The following HOOK1 variants were observed in gnomAD, a reference collection of about 807,000 sequenced individuals.
HOOK1 encodes the protein hook microtubule tethering protein 1.
In HOOK1, 60 loss-of-function variants were observed where a neutral mutation model predicts 112.8. The ratio of observed to expected loss-of-function variants is 0.53; its 90% confidence interval spans 0.43 to 0.66. The LOEUF (loss-of-function observed/expected upper bound fraction) is 0.66, where lower values mean the gene tolerates loss of function less well. Among genes scored for constraint, HOOK1 ranks in the 30% least tolerant of loss-of-function variants. HOOK1 has a pLI of 0.00. For synonymous variants in HOOK1, 294 were observed against 283.8 expected (o/e 1.04, Z -0.36); for missense variants, 770 against 856.0 (o/e 0.90, Z 1.25).
chr1:59,858,384 T>C (rs1475410873), intron 12 of HOOK1, 44 bp from the exon 13 acceptor site: 2 of 1,132,846 alleles, frequency 1.8e-6, no homozygotes, highest in East Asian at 4.7e-5. Context: ...ACATTGTTTA[T>C]AGGCAGAATT....
chr1:59,848,639 T>TA, intron 11 of HOOK1, 123 bp downstream of exon 11: 2 of 620,420 alleles, frequency 3.2e-6, no homozygotes, highest in Non-Finnish European at 5.5e-6. Context: ...ATGAACTTAT[T>TA]CTGATGAATT....
At chr1:59,820,738 T>C (rs940386117) in intron 1 of HOOK1, among the ~76,000 whole-genome samples, 9 of 152,196 alleles carry the variant, frequency 5.9e-5, no homozygotes, top group Non-Finnish European at 1.3e-4. Flanking sequence ...TGTCTAGAAA[T>C]GATTTATGTC....
At chr1:59,829,135 TG>T (rs1368205905) in intron 3 of HOOK1, among the ~76,000 whole-genome samples, 1 of 152,088 alleles carries the variant, frequency 6.6e-6, no homozygotes, top group Non-Finnish European at 1.5e-5. Context: ...AGTTCATTTC[TG>T]GAACTCTGTA....
Position 59,854,029 on chromosome 1 carries a change from TA to T in HOOK1, c.1243-4398del, listed in dbSNP as rs1559056963. On this transcript the variant is annotated intron_variant, in intron 12 of 21. Transcript: ENST00000371208. ...ATATATATATATATATATATATATA[TA>T]TATATATATTTTTTTTTTTTTTTTT... Among the ~76,000 whole-genome samples the T allele has an allele frequency of 1.8e-3, 54 of 30,046 alleles. 1 individual carries two copies. Among genetic ancestry groups the T allele is most frequent in the Non-Finnish European group, 2.9e-3 (41 of 13,964 alleles). The allele number at this position is 30,046 out of a possible 152,430, so 19.7% of individuals were successfully genotyped here.
chr1:59,825,235 T>A (rs1480697778), intron 2 of HOOK1, among the ~76,000 whole-genome samples: 4 of 152,248 alleles, frequency 2.6e-5, no homozygotes, highest in African/African-American at 9.6e-5. Context: ...TCACAGGGGA[T>A]AGGACTTAAA....
intron 13 of HOOK1, 66 bp downstream of exon 13, chr1:59,858,581 A>G (rs2098411873): frequency 3.8e-6 from 4 of 1,052,440 alleles, no homozygotes; most frequent in Non-Finnish European, 6.0e-6. Flanking sequence ...TTCAACAAAA[A>G]ATAAAAACTT....
chr1:59,835,567 T>C (rs1345153448), intron 6 of HOOK1, among the ~76,000 whole-genome samples, 155 bp downstream of exon 6: 3 of 152,140 alleles, frequency 2.0e-5, no homozygotes, highest in African/African-American at 4.8e-5. Flanking sequence ...CCCAAAAATA[T>C]TTTAAAAGGC....
At position 59,849,155 on chromosome 1, in the gene HOOK1, A is replaced by G; in HGVS notation, c.1214A>G (p.Lys405Arg). ...LAFEMKRLEE[K>R]HEALLKEKER... ...TTTGAAATGAAGCGGCTTGAAGAAA[A>G]ACATGAAGCTTTACTTAAGGAAAAA... Residue 405 changes from lysine (K) to arginine (R), a missense_variant, in exon 12 of 22, where the codon AAA becomes AGA. By Grantham distance (26) the Lys-to-Arg change is conservative. This residue lies in a region of HOOK1 where 655 missense variants were observed against 725.9 expected (regional missense o/e 0.90). Coordinates refer to ENST00000371208, the MANE Select transcript of HOOK1 (RefSeq NM_015888.6). 1.9e-6 allele frequency: 3 copies of G among 1,608,738 alleles called. No individual in the cohort carries two copies. The highest frequency in any genetic ancestry group is 2.6e-6 in the Non-Finnish European group (3 of 1,176,140).
At position 59,833,451 on chromosome 1, in the gene HOOK1, A is replaced by G; in HGVS notation, c.320A>G (p.Gln107Arg). 1.9e-6 allele frequency: 3 copies of G among 1,579,678 alleles called. No individual in the cohort carries two copies. Among genetic ancestry groups the G allele is most frequent in the Non-Finnish European group, 2.6e-6 (3 of 1,157,598 alleles). Residue 107 changes from glutamine to arginine, a missense_variant, in exon 5 of 22, where the codon CAA (glutamine) becomes CGA (arginine). Coordinates refer to ENST00000371208, the MANE Select transcript of HOOK1 (RefSeq NM_015888.6). Reference sequence around the variant, plus strand: ...GAAGCACTTATCCCTGATTTAAACCAAATAACCGAATGTTCAGATCCAGTG... The same window carrying G: ...GAAGCACTTATCCCTGATTTAAACCGAATAACCGAATGTTCAGATCCAGTG... ...ISEALIPDLN[Q>R]ITECSDPVEL...
Position 59,836,915 on chromosome 1 carries a change from G to A in HOOK1, c.517G>A (p.Val173Ile). 1 of 1,596,326 alleles carries A rather than the reference G, an allele frequency of 6.3e-7. No individual in the cohort carries two copies. Among genetic ancestry groups the A allele is most frequent in the Non-Finnish European group, 8.6e-7 (1 of 1,167,392 alleles). ...EILSSPPNDA[V>I]GELEQQLKRA... ...ATTGAGCTCTCCTCCAAATGATGCT[G>A]TTGGAGAATTGGAGCAACAGGTGAG... Residue 173 changes from valine (V) to isoleucine (I), a missense_variant, in exon 7 of 22, where the codon GTT (valine) becomes ATT (isoleucine). Transcript: ENST00000371208.
At chr1:59,838,740 T>A (rs2098399391) in intron 7 of HOOK1, among the ~76,000 whole-genome samples, 1 of 152,224 alleles carries the variant, frequency 6.6e-6, no homozygotes, top group Non-Finnish European at 1.5e-5. Flanking sequence ...TTGTTGCCAT[T>A]GCTTTTGGGT....
intron 20 of HOOK1, among the ~76,000 whole-genome samples, chr1:59,869,680 T>G (rs866701024): frequency 2.6e-5 from 4 of 152,174 alleles, no homozygotes; most frequent in Non-Finnish European, 5.9e-5. Context: ...TCTTCCTACA[T>G]CCATAGTACG....
intron 6 of HOOK1, among the ~76,000 whole-genome samples, chr1:59,836,593 C>G (rs774870323): frequency 1.3e-5 from 2 of 152,006 alleles, no homozygotes; most frequent in Non-Finnish European, 2.9e-5. Flanking sequence ...AGTAATATGT[C>G]TTTTAGGACT....
At position 59,846,566 on chromosome 1, in the gene HOOK1, CCTTCCTT is replaced by C. The variant is rs1559053124; in HGVS notation, c.789-477_789-471del. Among the ~76,000 whole-genome samples, 618 of 76,132 alleles carry C rather than the reference CCTTCCTT, an allele frequency of 8.1e-3. 16 individuals carry two copies. The highest frequency in any genetic ancestry group is 0.033 in the African/African-American group (577 of 17,634). 49.9% of individuals were successfully genotyped at this position (76,132 alleles called of 152,430 possible). A position where few individuals can be genotyped will look rare whatever the true frequency, so the allele number is the denominator to read the frequency against. ...TCCTTCCTTCCTTCCTTCCTTCCTT[CCTTCCTT>C]CCTTCCTTCCTTCCTCCCTCCTCCC... On this transcript the variant is annotated intron_variant, in intron 9 of 21. Transcript: ENST00000371208.
intron 12 of HOOK1, among the ~76,000 whole-genome samples, chr1:59,850,474 G>C (rs536137185): frequency 6.6e-6 from 1 of 151,364 alleles, no homozygotes; most frequent in South Asian, 2.1e-4. Flanking sequence ...TTTACCCTGT[G>C]TTTTTCATTT....
intron 12 of HOOK1, among the ~76,000 whole-genome samples, chr1:59,854,027 TATATATATA>T (rs2098408924): frequency 2.4e-4 from 7 of 29,296 alleles, no homozygotes; most frequent in African/African-American, 9.1e-4. Context: ...TATATATATA[TATATATATA>T]TATTTTTTTT....
intron 1 of HOOK1, among the ~76,000 whole-genome samples, chr1:59,816,994 T>C (rs936260480): frequency 6.6e-6 from 1 of 152,202 alleles, no homozygotes; most frequent in African/African-American, 2.4e-5. Flanking sequence ...CCCCCAACTC[T>C]TATTCCTCTG....
intron 13 of HOOK1, among the ~76,000 whole-genome samples, 165 bp from the exon 14 acceptor site, chr1:59,858,820 G>A (rs2098412018): frequency 7.1e-6 from 1 of 140,308 alleles, no homozygotes; most frequent in African/African-American, 2.6e-5. Flanking sequence ...AAGGAAAGGA[G>A]AGGAGGAGGG....
chr1:59,872,710 A>G (rs917493663), intron 21 of HOOK1, 85 bp from the exon 22 acceptor site: 312 of 939,428 alleles, frequency 3.3e-4, no homozygotes, highest in Non-Finnish European at 4.3e-4. Context: ...GGTTGGTTTT[A>G]AGGATTAAGT....
Sources: allele counts gnomAD v4.1 joint callset (sites outside exome capture counted in the v4.1 genomes callset), GRCh38; gene constraint gnomAD v4.1.1; regional missense constraint gnomAD v4.1.1; transcripts MANE v1.5; gene names NCBI Gene and HGNC (gene_info 2026-07-23, HGNC 2026-07-21).